Variants in MMS22L observed in about 807,000 individuals in gnomAD.
The protein encoded by MMS22L is MMS22 like, DNA repair protein, also known as protein MMS22-like.
In MMS22L, 74 loss-of-function variants were observed where a neutral mutation model predicts 159.1. The ratio of observed to expected loss-of-function variants is 0.47; its 90% CI spans 0.39 to 0.56. The LOEUF is 0.56. Among genes scored for constraint, MMS22L ranks in the 20% least tolerant of loss-of-function variants. The pLI is 0.00. For synonymous variants in MMS22L, 517 were observed against 506.9 expected (o/e 1.02, Z -0.27); for missense variants, 1,351 against 1,422.1 (o/e 0.95, Z 0.80).
intron 6 of MMS22L, 132 bp from the exon 7 acceptor site, chr6:97,270,124 G>A (rs972925679): frequency 8.8e-6 from 6 of 680,338 alleles, no homozygotes; most frequent in Admixed American, 2.6e-5. Context: ...CAAAAGCTCA[G>A]GGAAAACCTC....
rs900212316 is a variant in MMS22L at position 97,146,394 on chromosome 6, T to C, written c.*412A>G. The C allele has an allele frequency of 6.5e-6, 1 of 153,342 alleles. No individual in the cohort carries two copies. The highest frequency in any genetic ancestry group is 1.5e-5 in the Non-Finnish European group (1 of 68,898). The allele number at this position is 153,342 out of a possible 1,614,324, so 9.5% of individuals were successfully genotyped here. On this transcript the variant is annotated 3_prime_UTR_variant, in exon 25 of 25. Coordinates refer to ENST00000683635, the MANE Select transcript of MMS22L (RefSeq NM_001350599.2). ...GGTAGCCAGGTACTTTGAAAAAGTA[T>C]CATTTTAAAACATAACTATTATTGT...
intron 14 of MMS22L, among the ~76,000 whole-genome samples, chr6:97,197,408 A>T (rs1431228528): frequency 1.3e-5 from 2 of 152,146 alleles, no homozygotes; most frequent in Admixed American, 1.3e-4. Flanking sequence ...TCAGTCTCCA[A>T]GTTTTCTACT....
At chr6:97,147,028 T>C (rs1800957518) in intron 24 of MMS22L, 141 bp from the exon 25 acceptor site, 4 of 539,314 alleles carry the variant, frequency 7.4e-6, no homozygotes, top group African/African-American at 2.0e-5. Context: ...ACAACACTTC[T>C]TAAAAAGTAA....
intron 2 of MMS22L, among the ~76,000 whole-genome samples, chr6:97,281,874 G>T (rs1483671689): frequency 6.6e-6 from 1 of 152,172 alleles, no homozygotes; most frequent in Non-Finnish European, 1.5e-5. Context: ...ATATGTACCT[G>T]CCCAAGGCAA....
At chr6:97,159,358 T>C (rs914090747) in intron 22 of MMS22L, among the ~76,000 whole-genome samples, 1 of 151,950 alleles carries the variant, frequency 6.6e-6, no homozygotes. Flanking sequence ...ATATATACCT[T>C]AACTTATCAG....
At chr6:97,227,930 C>G (rs190389668) in intron 14 of MMS22L, among the ~76,000 whole-genome samples, 4 of 152,184 alleles carry the variant, frequency 2.6e-5, no homozygotes, top group Non-Finnish European at 5.9e-5. Context: ...AACATATCTG[C>G]ATAATTTAAG....
intron 7 of MMS22L, among the ~76,000 whole-genome samples, chr6:97,268,465 G>C (rs1815383257): frequency 6.6e-6 from 1 of 152,050 alleles, no homozygotes; most frequent in South Asian, 2.1e-4. Context: ...TGGGATTACA[G>C]GCGTGAGCCA....
chr6:97,222,420 C>T (rs182812989), intron 14 of MMS22L, among the ~76,000 whole-genome samples: 2,115 of 152,134 alleles, frequency 0.014, 16 homozygotes, highest in Non-Finnish European at 0.022. Context: ...AGGTAATTAT[C>T]GCTTCTGAAC....
chr6:97,228,609 C>T (rs1196664275), intron 14 of MMS22L, among the ~76,000 whole-genome samples: 1 of 151,952 alleles, frequency 6.6e-6, no homozygotes, highest in Non-Finnish European at 1.5e-5. Flanking sequence ...GACTTGGGTC[C>T]CCTCCTCAAA....
intron 9 of MMS22L, chr6:97,262,121 T>G (rs539075924): frequency 2.6e-5 from 4 of 152,192 alleles, no homozygotes; most frequent in Non-Finnish European, 4.4e-5. Flanking sequence ...GGTGTAGTTG[T>G]AGGCTACCAA....
intron 14 of MMS22L, among the ~76,000 whole-genome samples, chr6:97,205,168 C>T (rs966098523): frequency 6.6e-6 from 1 of 151,698 alleles, no homozygotes; most frequent in Admixed American, 6.6e-5. Flanking sequence ...TGGTCTCAAT[C>T]TCCTGACCTC....
At position 97,282,485 on chromosome 6, in the gene MMS22L, T is replaced by G; in HGVS notation, c.-8A>C. 5.0e-6 allele frequency: 8 copies of G among 1,598,818 alleles called. No homozygotes were observed. Among genetic ancestry groups the G allele is most frequent in the Non-Finnish European group, 6.8e-6 (8 of 1,172,908 alleles). ...AGCAGAACAGTTCTCCATTGTTTAC[T>G]TCATGTTCTGAAACACTTGGGGTTC... On this transcript the variant is annotated 5_prime_UTR_variant, in exon 2 of 25. Transcript: ENST00000683635.
Position 97,179,559 on chromosome 6 carries a change from G to C in MMS22L, c.2385C>G (p.Ser795Arg). 6.3e-7 allele frequency: 1 copy of C among 1,595,448 alleles called. No individual in the cohort carries two copies. Among genetic ancestry groups the C allele is most frequent in the Non-Finnish European group, 8.5e-7 (1 of 1,173,282 alleles). Reference sequence around the variant, plus strand: ...AATGAGAAAGTGCTTCACATAATGTGCTGTAGAAACAAATTGACAAATATT... The same window carrying C: ...AATGAGAAAGTGCTTCACATAATGTCCTGTAGAAACAAATTGACAAATATT... ...ARYLSHVLQNSTLCEALSHSG... is the reference protein window; with the variant it reads ...ARYLSHVLQNRTLCEALSHSG... The change falls in exon 17 of 25, where the codon AGC becomes AGG. Residue 795 changes from serine to arginine, a missense_variant and splice_region_variant. By Grantham distance (110) the Ser-to-Arg change is moderately radical. Transcript: ENST00000683635.
rs1278078819 is a variant in MMS22L at position 97,273,062 on chromosome 6, C to T, written c.341G>A (p.Gly114Glu). 5 of 1,600,536 alleles carry T rather than the reference C, an allele frequency of 3.1e-6. No homozygotes were observed. Among genetic ancestry groups the T allele is most frequent in the Non-Finnish European group, 4.3e-6 (5 of 1,176,148 alleles). The change falls in exon 5 of 25, where the codon GGG becomes GAG. Residue 114 changes from glycine to glutamate, a missense_variant and splice_region_variant. By Grantham distance (98) the Gly-to-Glu change is moderately conservative. Coordinates refer to ENST00000683635, the MANE Select transcript of MMS22L (RefSeq NM_001350599.2). ...TTTGCAGTGTAGAGTTGATACCTTC[C>T]CTGAAACCAAAATAGACAATGTTAA... is the stretch of plus-strand genomic sequence containing the variant. ...ETLLQSSCDFGKVSTLHCKAD... is the reference protein window; with the variant it reads ...ETLLQSSCDFEKVSTLHCKAD...
At chr6:97,260,058 A>T (rs529327357) in intron 9 of MMS22L, 1 of 152,188 alleles carries the variant, frequency 6.6e-6, no homozygotes, top group Non-Finnish European at 1.5e-5. Context: ...TTTTGCTCTT[A>T]TAAGTTGTTT....
At chr6:97,238,591 G>GTGTGTT (rs1554272929) in intron 11 of MMS22L, among the ~76,000 whole-genome samples, 1,622 of 149,576 alleles carry the variant, frequency 0.011, 12 homozygotes, top group Non-Finnish European at 0.018. Flanking sequence ...GTGTGTGTGT[G>GTGTGTT]TGTGTGTGTG....
At chr6:97,264,843 G>A (rs1177821013) in intron 8 of MMS22L, 5 of 151,816 alleles carry the variant, frequency 3.3e-5, no homozygotes, top group African/African-American at 1.2e-4. Flanking sequence ...TAACCAAAGA[G>A]TAAAAGGCCT....
At chr6:97,227,417 T>G (rs1045995621) in intron 14 of MMS22L, among the ~76,000 whole-genome samples, 1 of 152,198 alleles carries the variant, frequency 6.6e-6, no homozygotes. Context: ...CTTCTTGTTT[T>G]GTATATTCAG....
At position 97,231,453 on chromosome 6, in the gene MMS22L, G is replaced by A. The variant is rs752244668; in HGVS notation, c.1502C>T (p.Pro501Leu). ...TCCTTTGACTTGTTTCCAAGGATGA[G>A]GGCCATTGCTCTTCATTGCTTTTTT... ...VVKKAMKSNG[P>L]HPWKQVKGRI... is the part of the protein sequence containing the mutation. The change falls in exon 13 of 25, where the codon CCT (proline) becomes CTT (leucine). Residue 501 changes from proline to leucine, a missense_variant. Pro to Leu is a moderately conservative substitution (Grantham distance 98). Coordinates refer to ENST00000683635, the MANE Select transcript of MMS22L (RefSeq NM_001350599.2). 4 of 1,613,380 alleles carry A rather than the reference G, an allele frequency of 2.5e-6. No homozygotes were observed. Among genetic ancestry groups the A allele is most frequent in the South Asian group, 1.1e-5 (1 of 91,028 alleles).
Sources: allele counts gnomAD v4.1 joint callset (sites outside exome capture counted in the v4.1 genomes callset), GRCh38; gene constraint gnomAD v4.1.1; transcripts MANE v1.5; gene names NCBI Gene and HGNC (gene_info 2026-07-23, HGNC 2026-07-21).